TXLNB: variants seen among roughly 807,000 people sequenced by gnomAD.
TXLNB encodes beta-taxilin.
TXLNB carries 37 observed loss-of-function variants against 57.4 expected under a neutral mutation model. The observed-to-expected ratio is 0.64, with a 90% CI of 0.50 to 0.85. The LOEUF (loss-of-function observed/expected upper bound fraction) is 0.85, where lower values mean the gene tolerates loss of function less well. Among genes scored for constraint, TXLNB ranks in the 40% least tolerant of loss-of-function variants. The pLI, the probability that TXLNB is intolerant of heterozygous loss-of-function variation, is 0.00. For missense variants in TXLNB, 848 were observed against 825.6 expected (o/e 1.03, Z -0.33); for synonymous variants, 302 against 309.6 (o/e 0.98, Z 0.26).
chr6:139,183,168 G>A, the TXLNB span: 1 of 152,168 alleles, frequency 6.6e-6, no homozygotes, highest in Non-Finnish European at 1.5e-5. Context: ...GTAAACTGAG[G>A]CCCAAAGAAG....
chr6:139,262,330 C>T lies in TXLNB; in HGVS notation c.882+249G>A, dbSNP rs116791889. Among the ~76,000 whole-genome samples the T allele has an allele frequency of 8.0e-3, 1,224 of 152,252 alleles. 16 individuals are homozygous for T. The highest frequency in any genetic ancestry group is 0.028 in the African/African-American group (1,170 of 41,526). On this transcript the variant is annotated intron_variant, in intron 5 of 9. Transcript: ENST00000358430. ...TATTATTTTCAAGGAAAACTGTGCCCACAGCCTATCACTTTCTATTTATTG... is the reference window on the plus strand; with the variant it reads ...TATTATTTTCAAGGAAAACTGTGCCTACAGCCTATCACTTTCTATTTATTG...
At chr6:139,224,188 T>G in the TXLNB span, among the ~76,000 whole-genome samples, 2 of 149,828 alleles carry the variant, frequency 1.3e-5, no homozygotes, top group African/African-American at 4.9e-5. Context: ...CGGTAAACTA[T>G]CGCAAGAACA....
chr6:139,171,987 G>A, the TXLNB span, among the ~76,000 whole-genome samples: 15 of 152,014 alleles, frequency 9.9e-5, no homozygotes, highest in African/African-American at 1.9e-4. Context: ...CCGCCACCAC[G>A]CCTAGCTAAT....
rs772560282 is a variant in TXLNB, at chr6:139,270,647, A to G, written c.517-21T>C. On this transcript the variant is annotated intron_variant, in intron 3 of 9. Coordinates refer to ENST00000358430, the MANE Select transcript of TXLNB (RefSeq NM_153235.4). ...TCCAGCTGTACACATGGAGATACAA[A>G]CATGAAAGAAAATGGCAGGGATCTC... 1.9e-6 allele frequency: 3 copies of G among 1,610,654 alleles called. No homozygotes were observed. The South Asian group carries it at 3.3e-5, about 18-fold the overall frequency.
At chr6:139,166,756 G>A in the TXLNB span, 10 of 1,613,764 alleles carry the variant, frequency 6.2e-6, no homozygotes, top group Non-Finnish European at 8.5e-6. Flanking sequence ...TGGACCGGCA[G>A]AACTCCCAGG....
chr6:139,201,958 G>T, the TXLNB span, among the ~76,000 whole-genome samples: 3 of 152,086 alleles, frequency 2.0e-5, no homozygotes, highest in Non-Finnish European at 4.4e-5. Context: ...AGCATGCTAC[G>T]GCCAGTCACT....
At chr6:139,266,658 G>A (rs1776622493) in intron 4 of TXLNB, among the ~76,000 whole-genome samples, 1 of 152,132 alleles carries the variant, frequency 6.6e-6, no homozygotes, top group African/African-American at 2.4e-5. Context: ...GGAAGAAGAT[G>A]GAGAGAAAGT....
the TXLNB span, chr6:139,177,636 G>A: frequency 2.0e-5 from 3 of 152,684 alleles, no homozygotes; most frequent in South Asian, 6.2e-4. This position sits in a 1 kb window ranked among gnomAD's most constrained non-coding sequence, Gnocchi z 4.9. Flanking sequence ...TGACCTGAAA[G>A]TGGCACAAGT....
chr6:139,182,374 C>G, the TXLNB span, among the ~76,000 whole-genome samples: 6 of 152,140 alleles, frequency 3.9e-5, no homozygotes, highest in African/African-American at 1.4e-4. Flanking sequence ...AGGTACAGTT[C>G]ATACTGTAGA....
intron 7 of TXLNB, among the ~76,000 whole-genome samples, chr6:139,249,172 C>T (rs1339614493): frequency 6.6e-6 from 1 of 152,070 alleles, no homozygotes; most frequent in Non-Finnish European, 1.5e-5. Flanking sequence ...TGCTTGCATT[C>T]GGGGTGGAAA....
At chr6:139,304,960 G>T in the TXLNB span, among the ~76,000 whole-genome samples, 2 of 152,082 alleles carry the variant, frequency 1.3e-5, no homozygotes, top group African/African-American at 4.8e-5. Flanking sequence ...TGTAAATCTT[G>T]TTTTTTAAAG....
At chr6:139,302,145 A>G in the TXLNB span, among the ~76,000 whole-genome samples, 1 of 152,160 alleles carries the variant, frequency 6.6e-6, no homozygotes, top group African/African-American at 2.4e-5. Flanking sequence ...AGATGGTAGC[A>G]TACATGTAGG....
At chr6:139,213,078 A>G in the TXLNB span, among the ~76,000 whole-genome samples, 1 of 152,216 alleles carries the variant, frequency 6.6e-6, no homozygotes, top group African/African-American at 2.4e-5. Flanking sequence ...TGAGACAGAA[A>G]GTTAACAAGG....
At chr6:139,210,048 G>T in the TXLNB span, among the ~76,000 whole-genome samples, 1 of 152,056 alleles carries the variant, frequency 6.6e-6, no homozygotes, top group African/African-American at 2.4e-5. Context: ...AGTGGGCAAA[G>T]AATATGAATA....
the TXLNB span, among the ~76,000 whole-genome samples, chr6:139,169,221 C>T: frequency 6.6e-6 from 1 of 151,860 alleles, no homozygotes; most frequent in South Asian, 2.1e-4. Context: ...GATATTAGAC[C>T]CCTTAGATTA....
At chr6:139,293,154 G>T (rs1396851443), upstream of TXLNB, among the ~76,000 whole-genome samples, 4 of 152,150 alleles carry the variant, frequency 2.6e-5, no homozygotes, top group African/African-American at 9.7e-5. Flanking sequence ...CTGGAGTGCA[G>T]TGGTGCAATC....
chr6:139,301,016 T>C, the TXLNB span, among the ~76,000 whole-genome samples: 1 of 152,306 alleles, frequency 6.6e-6, no homozygotes, highest in South Asian at 2.1e-4. Context: ...CTGTATAAAT[T>C]TGGAATTGTG....
intron 5 of TXLNB, among the ~76,000 whole-genome samples, chr6:139,261,003 G>A (rs1430650972): frequency 1.3e-5 from 2 of 152,210 alleles, no homozygotes; most frequent in Non-Finnish European, 2.9e-5. Flanking sequence ...TGGTGGAGAT[G>A]ACAAGGCCAA....
chr6:139,296,558 T>G (rs9495419), upstream of TXLNB, among the ~76,000 whole-genome samples: 15,793 of 152,166 alleles, frequency 0.1, 2,040 homozygotes, highest in African/African-American at 0.3. Context: ...TTAATGTCTG[T>G]AGACTCAAAT....
Sources: allele counts gnomAD v4.1 joint callset (sites outside exome capture counted in the v4.1 genomes callset), GRCh38; gene constraint gnomAD v4.1.1; non-coding constraint Gnocchi (gnomAD v3.1); transcripts MANE v1.5; gene names NCBI Gene and HGNC (gene_info 2026-07-23, HGNC 2026-07-21).